Variants in VEPH1 observed in about 807,000 individuals in gnomAD.
VEPH1 encodes the protein ventricular zone expressed PH domain containing 1, also known as ventricular zone-expressed PH domain-containing protein homolog 1.
VEPH1 carries 80 observed loss-of-function variants against 85.2 expected under a neutral mutation model. The ratio of observed to expected loss-of-function variants is 0.94; its 90% CI spans 0.78 to 1.13. The LOEUF is 1.13. Ranked by LOEUF, VEPH1 falls within the 50% of genes most tolerant of loss-of-function variation. The pLI, the probability that VEPH1 is intolerant of heterozygous loss-of-function variation, is 0.00. For missense variants in VEPH1, 955 were observed against 980.5 expected (o/e 0.97, Z 0.35); for synonymous variants, 297 against 348.0 (o/e 0.85, Z 1.63).
intron 6 of VEPH1, among the ~76,000 whole-genome samples, chr3:157,408,523 A>G (rs568100222): frequency 4.3e-4 from 65 of 152,284 alleles, no homozygotes; most frequent in African/African-American, 1.5e-3. Context: ...ATGAATTCAG[A>G]TGGATTTGAT....
At position 157,438,031 on chromosome 3, in the gene VEPH1, G is replaced by GCACACACACA. The variant is rs1213951055; in HGVS notation, c.530-9544_530-9543insTGTGTGTGTG. 1.5e-5 allele frequency: 12 copies of GCACACACACA among 820,206 alleles called. No individual in the cohort carries two copies. The African/African-American group carries it at 2.3e-4, about 16-fold the overall frequency. 50.8% of individuals were successfully genotyped at this position (820,206 alleles called of 1,614,324 possible). A position where few individuals can be genotyped will look rare whatever the true frequency, so the allele number is the denominator to read the frequency against. On this transcript the variant is annotated intron_variant, in intron 4 of 13. Transcript: ENST00000362010. Reference sequence around the variant, plus strand: ...AAGCTTTCATGGGAAGCGCGCGCGCGCGCGCGCACACACACACACACACAC... The same window carrying GCACACACACA: ...AAGCTTTCATGGGAAGCGCGCGCGCGCACACACACACGCGCGCACACACACACACACACAC...
At chr3:157,368,136 C>T (rs368952864) in intron 7 of VEPH1, among the ~76,000 whole-genome samples, 35 of 152,216 alleles carry the variant, frequency 2.3e-4, no homozygotes, top group African/African-American at 7.9e-4. Context: ...ATGACAGAAC[C>T]AACATGAAGC....
intron 7 of VEPH1, among the ~76,000 whole-genome samples, chr3:157,366,034 G>T (rs922121871): frequency 6.6e-6 from 1 of 152,112 alleles, no homozygotes; most frequent in Admixed American, 6.6e-5. Context: ...TCATGCCTTG[G>T]TCCTTCCTGT....
intron 11 of VEPH1, among the ~76,000 whole-genome samples, chr3:157,297,716 G>T (rs1001246993): frequency 6.6e-6 from 1 of 152,098 alleles, no homozygotes; most frequent in African/African-American, 2.4e-5. Context: ...AGATGGAGGG[G>T]TGTAATGAGT....
intron 10 of VEPH1, among the ~76,000 whole-genome samples, chr3:157,315,185 T>G (rs1223365035): frequency 6.6e-6 from 1 of 152,058 alleles, no homozygotes; most frequent in Non-Finnish European, 1.5e-5. Flanking sequence ...AAAGCTTCTA[T>G]TTAGTGAATG....
At position 157,369,187 on chromosome 3, in the gene VEPH1, A is replaced by ACAAAAAC. The variant is rs1560001108; in HGVS notation, c.1128-4676_1128-4675insGTTTTTG. ...CAACAACAAAAACCAAATGAAAAAA[A>ACAAAAAC]AAAAAAAAAAAAAAAAACCTCCTGA... On this transcript the variant is annotated intron_variant, in intron 7 of 13. Coordinates refer to ENST00000362010, the MANE Select transcript of VEPH1 (RefSeq NM_001167912.2). Among the ~76,000 whole-genome samples the ACAAAAAC allele has an allele frequency of 7.0e-5, 10 of 142,126 alleles. 1 individual carries two copies. The highest frequency in any genetic ancestry group is 2.4e-4 in the African/African-American group (9 of 37,948). The allele number at this position is 142,126 out of a possible 152,430, so 93.2% of individuals were successfully genotyped here.
intron 4 of VEPH1, among the ~76,000 whole-genome samples, chr3:157,452,623 A>G (rs376306675): frequency 6.6e-6 from 1 of 152,234 alleles, no homozygotes; most frequent in East Asian, 1.9e-4. Flanking sequence ...TTGAAAGCTG[A>G]CTATGTTTTG....
At chr3:157,468,704 T>C (rs1736625644) in intron 3 of VEPH1, among the ~76,000 whole-genome samples, 1 of 152,176 alleles carries the variant, frequency 6.6e-6, no homozygotes, top group African/African-American at 2.4e-5. Flanking sequence ...AAATATATTA[T>C]CAAAATCAAT....
intron 12 of VEPH1, among the ~76,000 whole-genome samples, chr3:157,281,663 G>A (rs1253769456): frequency 1.3e-5 from 2 of 151,852 alleles, no homozygotes; most frequent in African/African-American, 4.8e-5. Flanking sequence ...TCAGCCTCCT[G>A]AGTAGCTGGG....
chr3:157,436,136 G>T (rs1270016893), intron 4 of VEPH1, among the ~76,000 whole-genome samples: 42 of 152,092 alleles, frequency 2.8e-4, no homozygotes, highest in Non-Finnish European at 4.4e-5. Context: ...AATTAACTGG[G>T]TGTGGTGGCG....
intron 5 of VEPH1, among the ~76,000 whole-genome samples, chr3:157,417,419 C>G (rs1348020829): frequency 6.6e-6 from 1 of 152,164 alleles, no homozygotes; most frequent in Admixed American, 6.5e-5. Flanking sequence ...CCAAACTGGC[C>G]TTCTTGCCTC....
chr3:157,447,593 TC>T (rs538058358), intron 4 of VEPH1, among the ~76,000 whole-genome samples: 3 of 144,766 alleles, frequency 2.1e-5, no homozygotes, highest in Non-Finnish European at 4.4e-5. Flanking sequence ...CTGCTTCCAA[TC>T]TTTTTTTTTT....
intron 12 of VEPH1, among the ~76,000 whole-genome samples, chr3:157,267,102 C>CTTTTTTTTTTTTTTTTTTTTTTTTTT (rs10537483): frequency 5.6e-5 from 7 of 124,674 alleles, no homozygotes; most frequent in Non-Finnish European, 8.2e-5. Context: ...TCTTTTTTTT[C>CTTTTTTTTTTTTTTTTTTTTTTTTTT]TTTTTTTTTT....
Position 157,364,411 on chromosome 3 carries a change from T to G in VEPH1, c.1229A>C (p.Gln410Pro). 1 of 1,614,050 alleles carries G rather than the reference T, an allele frequency of 6.2e-7. No homozygotes were observed. The highest frequency in any genetic ancestry group is 2.2e-5 in the East Asian group (1 of 44,844). The change falls in exon 8 of 14, where the codon CAG (glutamine) becomes CCG (proline). Residue 410 changes from glutamine (Q) to proline (P), a missense_variant. Transcript: ENST00000362010. ...EDHEKLQVKIQAFEDKINAGS... is the reference protein window; with the variant it reads ...EDHEKLQVKIPAFEDKINAGS... Reference sequence around the variant, plus strand: ...TGCATTTATCTTGTCTTCAAAAGCCTGGATTTTAACTTGGAGTTTTTCATG... The same window carrying G: ...TGCATTTATCTTGTCTTCAAAAGCCGGGATTTTAACTTGGAGTTTTTCATG...
chr3:157,262,850 C>T (rs367804951), intron 13 of VEPH1, among the ~76,000 whole-genome samples: 3 of 152,256 alleles, frequency 2.0e-5, no homozygotes, highest in African/African-American at 7.2e-5. Flanking sequence ...CTAGACAATA[C>T]TTTGTTAGCC....
At chr3:157,428,296 C>T (rs1214954868) in intron 5 of VEPH1, 26 bp downstream of exon 5, 5 of 1,611,082 alleles carry the variant, frequency 3.1e-6, no homozygotes, top group Middle Eastern at 1.7e-4. Context: ...TTGTGTGCAC[C>T]ATGACATATA....
intron 12 of VEPH1, among the ~76,000 whole-genome samples, chr3:157,282,569 G>A (rs1716274678): frequency 6.6e-6 from 1 of 152,208 alleles, no homozygotes; most frequent in South Asian, 2.1e-4. Context: ...GAGGAGGACA[G>A]GAGTGCCAAA....
chr3:157,445,458 A>G (rs889378736), intron 4 of VEPH1, among the ~76,000 whole-genome samples: 1 of 152,084 alleles, frequency 6.6e-6, no homozygotes, highest in Non-Finnish European at 1.5e-5. Context: ...CGTTTCTACT[A>G]AAAATACAAA....
chr3:157,503,471 C>G (rs548139792), upstream of VEPH1: 3 of 152,210 alleles, frequency 2.0e-5, no homozygotes, highest in Non-Finnish European at 2.9e-5. Flanking sequence ...ATTGACTCAC[C>G]GTGCGGAATC....
Sources: gnomAD v4.1 joint callset for allele counts (sites outside exome capture counted in the v4.1 genomes callset) on GRCh38, gnomAD v4.1.1 for gene constraint, MANE v1.5 for transcripts, NCBI Gene and HGNC (gene_info 2026-07-23, HGNC 2026-07-21) for gene names.